Variants in EIF4G3 observed in about 807,000 individuals in gnomAD.
EIF4G3 encodes the protein eukaryotic translation initiation factor 4 gamma 3.
In EIF4G3, 34 loss-of-function variants were observed where a neutral mutation model predicts 186.4. The ratio of observed to expected loss-of-function variants is 0.18; its 90% CI spans 0.14 to 0.24. The LOEUF (loss-of-function observed/expected upper bound fraction) is 0.24, where lower values mean the gene tolerates loss of function less well. Ranked by LOEUF, EIF4G3 falls within the 10% of genes least tolerant of loss-of-function variation. EIF4G3 has a pLI of 1.00. For synonymous variants in EIF4G3, 673 were observed against 679.5 expected, an observed-to-expected ratio of 0.99 and a Z score of 0.15; for missense variants, 1,536 against 1,948.5, an observed-to-expected ratio of 0.79 and a Z score of 3.99.
chr1:21,172,911 C>T (rs972016774), intron 2 of EIF4G3, among the ~76,000 whole-genome samples: 12 of 151,286 alleles, frequency 7.9e-5, no homozygotes, highest in South Asian at 6.3e-4. Context: ...GAGGTAGAAG[C>T]AGGCGGATCA....
Position 20,813,148 on chromosome 1 carries a change from T to A in EIF4G3, c.4597+10A>T. 6.3e-7 allele frequency: 1 copy of A among 1,585,964 alleles called. No individual in the cohort carries two copies. Among genetic ancestry groups the A allele is most frequent in the Non-Finnish European group, 8.7e-7 (1 of 1,155,034 alleles). On this transcript the variant is annotated intron_variant, in intron 35 of 36. Transcript: ENST00000602326. The stretch of plus-strand genomic sequence containing the variant: ...AGATGTTATGAGCTGCCTTCAGAAA[T>A]GTTACTTACCTATAATAGCTGCTTT...
At chr1:21,136,849 C>T (rs1468681524) in intron 2 of EIF4G3, among the ~76,000 whole-genome samples, 1 of 152,148 alleles carries the variant, frequency 6.6e-6, no homozygotes, top group Admixed American at 6.5e-5. Context: ...AGGTAGCCTC[C>T]AGGAACGCTG....
chr1:21,130,639 G>A (rs759693996), intron 2 of EIF4G3, among the ~76,000 whole-genome samples: 3 of 151,926 alleles, frequency 2.0e-5, no homozygotes, highest in South Asian at 2.1e-4. Context: ...AATGTTCAAC[G>A]CTTAATCAAA....
At chr1:21,027,193 ATTTTTT>A (rs34372978) in intron 4 of EIF4G3, among the ~76,000 whole-genome samples, 4 of 132,196 alleles carry the variant, frequency 3.0e-5, no homozygotes, top group African/African-American at 1.1e-4. Context: ...CACACATACA[ATTTTTT>A]TTTTTTTTTT....
chr1:21,087,484 T>C (rs71647186), intron 3 of EIF4G3, among the ~76,000 whole-genome samples: 4,182 of 152,254 alleles, frequency 0.027, 89 homozygotes, highest in Non-Finnish European at 0.038. Flanking sequence ...ATTTATGAAT[T>C]TGAATCATCT....
intron 2 of EIF4G3, among the ~76,000 whole-genome samples, chr1:21,114,183 T>C (rs978893078): frequency 3.9e-5 from 6 of 152,058 alleles, no homozygotes; most frequent in African/African-American, 1.4e-4. Flanking sequence ...AGTCTCGCTC[T>C]GTTGCCAGGC....
chr1:20,926,906 G>A (rs2094938151), intron 14 of EIF4G3, among the ~76,000 whole-genome samples: 1 of 152,006 alleles, frequency 6.6e-6, no homozygotes, highest in Non-Finnish European at 1.5e-5. Context: ...AGAAGTTGGA[G>A]AGGTAAAATG....
At chr1:20,988,770 G>A (rs924541092) in intron 7 of EIF4G3, among the ~76,000 whole-genome samples, 4 of 151,940 alleles carry the variant, frequency 2.6e-5, no homozygotes, top group Non-Finnish European at 4.4e-5. Flanking sequence ...GGATCAAGGA[G>A]TAGTTTTGAT....
intron 31 of EIF4G3, among the ~76,000 whole-genome samples, chr1:20,828,186 C>T (rs10916874): frequency 0.026 from 3,952 of 152,056 alleles, 166 homozygotes; most frequent in African/African-American, 0.089. Flanking sequence ...GCACGTAACA[C>T]CATGCCCAGA....
chr1:21,013,015 C>A (rs543617380), intron 4 of EIF4G3, among the ~76,000 whole-genome samples: 1 of 151,998 alleles, frequency 6.6e-6, no homozygotes, highest in Non-Finnish European at 1.5e-5. Context: ...AGATTTAGTG[C>A]GGAATATGAA....
chr1:21,161,072 G>C (rs2097759131), intron 2 of EIF4G3, among the ~76,000 whole-genome samples: 1 of 152,154 alleles, frequency 6.6e-6, no homozygotes. Context: ...TTAGGAGGCT[G>C]AGGCAGGAGA....
intron 4 of EIF4G3, among the ~76,000 whole-genome samples, chr1:21,036,363 A>G (rs12092658): frequency 0.033 from 5,001 of 152,208 alleles, 273 homozygotes; most frequent in African/African-American, 0.11. Flanking sequence ...GCATACCTCA[A>G]TCTTCCTGGA....
Position 21,050,764 on chromosome 1 carries a change from A to G in EIF4G3, c.-67+102T>C. ...CCAAAGACAAACTTGAAATTACTAT[A>G]CAAGTAATGTTTTATGTTACTGCTT... On this transcript the variant is annotated intron_variant, in intron 4 of 36. Transcript: ENST00000602326. 6.4e-6 allele frequency: 4 copies of G among 625,256 alleles called. No individual in the cohort carries two copies. The East Asian group carries it at 1.2e-4, about 19-fold the overall frequency. 38.7% of individuals were successfully genotyped at this position (625,256 alleles called of 1,614,324 possible). A position where few individuals can be genotyped will look rare whatever the true frequency, so the allele number is the denominator to read the frequency against.
chr1:21,166,955 T>C (rs2097865161), intron 2 of EIF4G3, among the ~76,000 whole-genome samples: 1 of 151,922 alleles, frequency 6.6e-6, no homozygotes, highest in South Asian at 2.1e-4. Flanking sequence ...CTAATTTTTG[T>C]ATTTTCTGTA....
At chr1:20,998,308 C>G (rs1249795189) in intron 6 of EIF4G3, among the ~76,000 whole-genome samples, 1 of 151,778 alleles carries the variant, frequency 6.6e-6, no homozygotes, top group African/African-American at 2.4e-5. Context: ...TCAAGGCAAA[C>G]AGCTAGTAAA....
At chr1:21,166,147 C>T (rs762582635) in intron 2 of EIF4G3, among the ~76,000 whole-genome samples, 1 of 147,750 alleles carries the variant, frequency 6.8e-6, no homozygotes, top group African/African-American at 2.5e-5. Context: ...TACTTCCATG[C>T]CAGGCTCAAT....
At chr1:20,909,778 ATTT>A (rs35293207) in intron 14 of EIF4G3, among the ~76,000 whole-genome samples, 2 of 129,358 alleles carry the variant, frequency 1.5e-5, no homozygotes. Context: ...CAATCTGCTA[ATTT>A]TTTTTTTTTT....
intron 12 of EIF4G3, among the ~76,000 whole-genome samples, chr1:20,951,476 TG>T (rs2096216440): frequency 6.6e-6 from 1 of 152,174 alleles, no homozygotes; most frequent in Non-Finnish European, 1.5e-5. Context: ...AAAATAGCAC[TG>T]CTGTAATTAC....
At chr1:20,970,835 G>T (rs575609633) in intron 11 of EIF4G3, among the ~76,000 whole-genome samples, 1 of 151,358 alleles carries the variant, frequency 6.6e-6, no homozygotes, top group Non-Finnish European at 1.5e-5. Context: ...GCGGTGGCAG[G>T]CGCCTGTAAT....
Sources: allele counts gnomAD v4.1 joint callset (sites outside exome capture counted in the v4.1 genomes callset), GRCh38; gene constraint gnomAD v4.1.1; transcripts MANE v1.5; gene names NCBI Gene and HGNC (gene_info 2026-07-23, HGNC 2026-07-21).